The following JAK1 variants were observed in gnomAD, a reference collection of about 807,000 sequenced individuals.
JAK1 encodes tyrosine-protein kinase JAK1.
In JAK1, 16 loss-of-function variants were observed where a neutral mutation model predicts 136.6. That is an observed-to-expected ratio of 0.12 (90% CI 0.08 to 0.18). JAK1 has a LOEUF of 0.18. Among genes scored for constraint, JAK1 ranks in the 10% least tolerant of loss-of-function variants. The pLI is 1.00. For missense variants in JAK1, 859 were observed against 1,450.1 expected, an observed-to-expected ratio of 0.59 and a Z score of 6.62; for synonymous variants, 492 against 519.5, an observed-to-expected ratio of 0.95 and a Z score of 0.72.
intron 1 of JAK1, among the ~76,000 whole-genome samples, chr1:65,062,862 T>A (rs1289201222): frequency 6.6e-6 from 1 of 152,226 alleles, no homozygotes; most frequent in African/African-American, 2.4e-5. Context: ...AACCTCTCCA[T>A]TTCTCAGGGA....
chr1:64,980,419 A>G (rs1646533567), intron 2 of JAK1, among the ~76,000 whole-genome samples: 1 of 151,618 alleles, frequency 6.6e-6, no homozygotes, highest in African/African-American at 2.4e-5. Flanking sequence ...TGCTTTCTCC[A>G]TTTTCCCTCT....
At chr1:64,877,737 A>G (rs927190558) in intron 4 of JAK1, among the ~76,000 whole-genome samples, 1 of 152,194 alleles carries the variant, frequency 6.6e-6, no homozygotes, top group Non-Finnish European at 1.5e-5. Flanking sequence ...GAACCCAGGG[A>G]CATACCCCTT....
Position 65,031,833 on chromosome 1 carries a change from T to C in JAK1, c.-78+12647A>G, listed in dbSNP as rs191063655. Among the ~76,000 whole-genome samples the C allele has an allele frequency of 9.9e-5, 15 of 152,238 alleles. 1 individual carries two copies. In the East Asian group the frequency reaches 2.7e-3, roughly 27 times the overall value. On this transcript the variant is annotated intron_variant, in intron 2 of 25. Coordinates refer to the JAK1 transcript ENST00000671954. ...GGAAATGAGCTAAAACAATTGATGA[T>C]TCTGGGTTAAGGGCACACAGAATTT...
chr1:65,016,755 G>A (rs565619141), intron 2 of JAK1, among the ~76,000 whole-genome samples: 11 of 152,156 alleles, frequency 7.2e-5, no homozygotes, highest in South Asian at 2.1e-4. Context: ...AAAATTAGCC[G>A]TGCATGGTGG....
intron 1 of JAK1, among the ~76,000 whole-genome samples, chr1:64,944,077 C>G (rs1645937672): frequency 6.6e-6 from 1 of 151,694 alleles, no homozygotes; most frequent in Non-Finnish European, 1.5e-5. Flanking sequence ...AAAAAATTAG[C>G]CGGGTGTGGT....
intron 1 of JAK1, among the ~76,000 whole-genome samples, chr1:64,890,971 T>C (rs982016979): frequency 6.6e-6 from 1 of 152,182 alleles, no homozygotes; most frequent in African/African-American, 2.4e-5. Flanking sequence ...TCAATGTTCT[T>C]GGTGTAAGTG....
chr1:65,066,013 A>G (rs1648024742), intron 1 of JAK1, among the ~76,000 whole-genome samples: 2 of 152,246 alleles, frequency 1.3e-5, no homozygotes, highest in South Asian at 2.1e-4. Flanking sequence ...CAGACATGCC[A>G]AATTAAATCA....
intron 1 of JAK1, among the ~76,000 whole-genome samples, chr1:65,048,237 TA>T (rs1210819065): frequency 1.3e-5 from 2 of 152,176 alleles, no homozygotes; most frequent in Non-Finnish European, 2.9e-5. Flanking sequence ...TGACATCAGG[TA>T]AGTGACCTAG....
intron 2 of JAK1, among the ~76,000 whole-genome samples, chr1:65,018,256 A>C (rs1646906275): frequency 1.3e-5 from 2 of 152,198 alleles, no homozygotes; most frequent in Non-Finnish European, 2.9e-5. Flanking sequence ...AAAAGTAAGT[A>C]AGTCAAGCAT....
chr1:64,864,546 G>C (rs973703528), intron 8 of JAK1, among the ~76,000 whole-genome samples: 1 of 152,240 alleles, frequency 6.6e-6, no homozygotes, highest in East Asian at 1.9e-4. Context: ...GTGTATTTGG[G>C]AGGGAAGCAA....
chr1:65,010,379 G>A (rs1427166821), intron 2 of JAK1, among the ~76,000 whole-genome samples: 7 of 152,000 alleles, frequency 4.6e-5, no homozygotes, highest in Admixed American at 2.6e-4. Context: ...GAGGGAAACC[G>A]GCTGCCACAT....
At chr1:65,026,662 G>A (rs1169078953) in intron 2 of JAK1, among the ~76,000 whole-genome samples, 1 of 152,132 alleles carries the variant, frequency 6.6e-6, no homozygotes, top group Admixed American at 6.5e-5. Context: ...GAAATTGTTT[G>A]CATTTTAAAT....
chr1:65,024,965 G>A (rs889427576), intron 2 of JAK1, among the ~76,000 whole-genome samples: 10 of 151,890 alleles, frequency 6.6e-5, no homozygotes, highest in African/African-American at 1.5e-4. Context: ...CAACAAGAGC[G>A]AAACTCTGTC....
At chr1:64,883,160 G>A (rs764644151) in intron 3 of JAK1, 117 bp downstream of exon 3, 1 of 777,330 alleles carries the variant, frequency 1.3e-6, no homozygotes, top group Non-Finnish European at 2.0e-6. Flanking sequence ...GGAGGAACCT[G>A]ACTCCAGAGT....
At chr1:64,907,826 CAT>C (rs759450107) in intron 1 of JAK1, among the ~76,000 whole-genome samples, 8 of 152,206 alleles carry the variant, frequency 5.3e-5, no homozygotes, top group South Asian at 2.1e-4. Context: ...CTGAAACGCA[CAT>C]GTCTCTTTAC....
At chr1:64,837,760 G>A (rs1019480140) in intron 22 of JAK1, among the ~76,000 whole-genome samples, 172 bp downstream of exon 22, 1 of 152,206 alleles carries the variant, frequency 6.6e-6, no homozygotes, top group African/African-American at 2.4e-5. Flanking sequence ...GAAACAGGCT[G>A]AAAGGTGTGT....
At position 64,836,143 on chromosome 1, in the gene JAK1, C is replaced by T. The variant is rs1401677263; in HGVS notation, c.3213G>A (p.Leu1071=). The part of the protein sequence containing the change: ...ASDVWSFGVT[L]HELLTYCDSD... ...AATCACAGTAAGTCAGCAGCTCATG[C>T]AGAGTGACTCCAAAAGACCAGACGT... The change falls in exon 23 of 25, where the codon CTG becomes CTA. Residue 1071 remains leucine (L), a synonymous_variant. Coordinates refer to ENST00000342505, the MANE Select transcript of JAK1 (RefSeq NM_002227.4). 1.2e-6 allele frequency: 2 copies of T among 1,612,910 alleles called. No individual in the cohort carries two copies.
At chr1:64,926,575 C>T (rs1015407448) in intron 1 of JAK1, among the ~76,000 whole-genome samples, 1 of 152,150 alleles carries the variant, frequency 6.6e-6, no homozygotes, top group African/African-American at 2.4e-5. Context: ...ACCACAACCA[C>T]CACCACCACT....
At chr1:65,060,676 GTTAC>G (rs780916535) in intron 1 of JAK1, among the ~76,000 whole-genome samples, 3 of 152,058 alleles carry the variant, frequency 2.0e-5, no homozygotes, top group Non-Finnish European at 4.4e-5. Context: ...TCTGTGAATG[GTTAC>G]TTAAATTAAT....
Sources: allele counts gnomAD v4.1 joint callset (sites outside exome capture counted in the v4.1 genomes callset), GRCh38; gene constraint gnomAD v4.1.1; transcripts MANE v1.5; gene names NCBI Gene and HGNC (gene_info 2026-07-23, HGNC 2026-07-21).